ZNF592: variants seen among roughly 807,000 people sequenced by gnomAD.
ZNF592 encodes zinc finger protein 592, also known as spinocerebellar ataxia, autosomal recessive 5.
ZNF592 carries 11 observed loss-of-function variants against 80.3 expected under a neutral mutation model. The observed-to-expected ratio is 0.14, with a 90% confidence interval of 0.09 to 0.23. The LOEUF (loss-of-function observed/expected upper bound fraction) is 0.23. ZNF592 is among the 10% of genes least tolerant of loss of function. ZNF592 has a pLI of 1.00. For missense variants in ZNF592, 1,420 were observed against 1,633.9 expected (o/e 0.87, Z 2.26); for synonymous variants, 646 against 640.3 (o/e 1.01, Z -0.13).
chr15:84,799,315 A>G lies in ZNF592; in HGVS notation c.3137+105A>G. 2 of 1,193,354 alleles carry G rather than the reference A, an allele frequency of 1.7e-6. No homozygotes were observed. The highest frequency in any genetic ancestry group is 1.2e-5 in the South Asian group (1 of 81,568). 73.9% of individuals were successfully genotyped at this position (1,193,354 alleles called of 1,614,324 possible). On this transcript the variant is annotated intron_variant, in intron 9 of 10. Coordinates refer to ENST00000560079, the MANE Select transcript of ZNF592 (RefSeq NM_014630.3). This position sits in a 1 kb window ranked among gnomAD's most constrained non-coding sequence, Gnocchi z 4.2. Reference sequence around the variant, plus strand: ...TGCAAGATCAGGTGTCTAAGACAAGAGACAAGTGATTTCCAACTGGAAGAA... The same window carrying G: ...TGCAAGATCAGGTGTCTAAGACAAGGGACAAGTGATTTCCAACTGGAAGAA...
chr15:84,760,208 T>C (rs774121452), intron 1 of ZNF592, among the ~76,000 whole-genome samples: 6 of 152,046 alleles, frequency 3.9e-5, no homozygotes, highest in Non-Finnish European at 8.8e-5. Flanking sequence ...CCTCCTGTAC[T>C]CTTTCGTCTT....
At chr15:84,795,163 TTTA>T (rs1427816805) in intron 5 of ZNF592, among the ~76,000 whole-genome samples, 3 of 151,800 alleles carry the variant, frequency 2.0e-5, no homozygotes, top group East Asian at 3.8e-4. Context: ...TATTCTGTTC[TTTA>T]TTAATAATTT....
At chr15:84,796,382 G>T (rs888021451) in intron 5 of ZNF592, among the ~76,000 whole-genome samples, 1 of 149,806 alleles carries the variant, frequency 6.7e-6, no homozygotes, top group Non-Finnish European at 1.5e-5. Flanking sequence ...CCTCTCTTTA[G>T]TGCCTATGGG....
At chr15:84,749,884 A>C (rs1353964092) in intron 1 of ZNF592, among the ~76,000 whole-genome samples, 2 of 152,228 alleles carry the variant, frequency 1.3e-5, no homozygotes, top group Non-Finnish European at 2.9e-5. Context: ...TGTGGCTTTG[A>C]TTCATTAAAT....
chr15:84,797,941 G>C lies in ZNF592; in HGVS notation c.2472G>C (p.Gln824His), dbSNP rs531329275. Residue 824 changes from glutamine to histidine, a missense_variant, in exon 6 of 11, where the codon CAG becomes CAC. Physicochemically the swap from Gln to His is conservative, Grantham distance 24. Around this residue, in one of 7 missense-constraint regions of ZNF592, gnomAD observed 13 missense variants for 42.3 expected, o/e 0.31. Coordinates refer to ENST00000560079, the MANE Select transcript of ZNF592 (RefSeq NM_014630.3). ...GCCACATCCAGGAGCGACACTGCCA[G>C]GTTTTCCACAAATGTGCATTCTGCC... ...LKSHIQERHC[Q>H]VFHKCAFCPM... The C allele has an allele frequency of 6.2e-7, 1 of 1,614,236 alleles. No homozygotes were observed. Among genetic ancestry groups the C allele is most frequent in the African/African-American group, 1.3e-5 (1 of 75,066 alleles).
At chr15:84,758,293 A>T (rs572435539) in intron 1 of ZNF592, among the ~76,000 whole-genome samples, 69 of 150,936 alleles carry the variant, frequency 4.6e-4, no homozygotes, top group East Asian at 7.9e-4. Flanking sequence ...TTTAAAAAAA[A>T]TTTTTTTTTG....
chr15:84,776,615 G>C (rs1411849617), intron 2 of ZNF592, among the ~76,000 whole-genome samples: 1 of 152,176 alleles, frequency 6.6e-6, no homozygotes, highest in African/African-American at 2.4e-5. Context: ...AATTAGCCGG[G>C]CATGGTGGCA....
At chr15:84,762,386 G>A (rs544657841) in intron 1 of ZNF592, among the ~76,000 whole-genome samples, 2 of 152,292 alleles carry the variant, frequency 1.3e-5, no homozygotes, top group Admixed American at 6.5e-5. Context: ...TTTGAGCGGA[G>A]GTCTGAAGGA....
intron 3 of ZNF592, among the ~76,000 whole-genome samples, chr15:84,781,204 C>T (rs904954390): frequency 4.6e-5 from 7 of 152,108 alleles, no homozygotes; most frequent in African/African-American, 1.2e-4. Context: ...CCCACCACCA[C>T]GCCTGGCTGA....
At chr15:84,756,532 GA>G (rs1227931304) in intron 1 of ZNF592, among the ~76,000 whole-genome samples, 3 of 152,198 alleles carry the variant, frequency 2.0e-5, no homozygotes, top group African/African-American at 7.2e-5. Context: ...CATTTTCAGA[GA>G]AGGGGGCCCA....
chr15:84,753,688 G>A (rs1899080389), intron 1 of ZNF592, among the ~76,000 whole-genome samples: 1 of 152,200 alleles, frequency 6.6e-6, no homozygotes, highest in Non-Finnish European at 1.5e-5. Context: ...GGCCAGCCTG[G>A]TCTTGAACTC....
At chr15:84,752,207 A>T (rs1054076793) in intron 1 of ZNF592, among the ~76,000 whole-genome samples, 84 of 152,280 alleles carry the variant, frequency 5.5e-4, no homozygotes, top group African/African-American at 1.9e-3. Context: ...TAATAACTTA[A>T]TGCCATGTTC....
At chr15:84,793,431 T>C (rs1462329850) in intron 5 of ZNF592, among the ~76,000 whole-genome samples, 3 of 152,228 alleles carry the variant, frequency 2.0e-5, no homozygotes, top group Non-Finnish European at 4.4e-5. Context: ...TAATTACATA[T>C]TTTCTTATGT....
At position 84,782,973 on chromosome 15, in the gene ZNF592, C is replaced by A. The variant is rs1055058943; in HGVS notation, c.298C>A (p.Leu100Met). The A allele has an allele frequency of 7.4e-5, 119 of 1,614,062 alleles. No homozygotes were observed. The highest frequency in any genetic ancestry group is 9.7e-5 in the Non-Finnish European group (115 of 1,180,044). Residue 100 changes from leucine to methionine, a missense_variant, in exon 4 of 11, where the codon CTG (leucine) becomes ATG (methionine). Leu to Met is a conservative substitution (Grantham distance 15). This residue lies in a region of ZNF592 where 373 missense variants were observed against 355.5 expected (regional missense o/e 1.05). Transcript: ENST00000560079. ...ACACAATGGATTCCGGGGCTCAGATCTGCCTCCAGATCCCCACAACTGTGG... is the reference window on the plus strand; with the variant it reads ...ACACAATGGATTCCGGGGCTCAGATATGCCTCCAGATCCCCACAACTGTGG... ...LLHNGFRGSD[L>M]PPDPHNCGKF...
At chr15:84,770,530 T>C (rs1025873107) in intron 2 of ZNF592, among the ~76,000 whole-genome samples, 3 of 152,198 alleles carry the variant, frequency 2.0e-5, no homozygotes, top group Admixed American at 6.5e-5. Context: ...TATGTATGTG[T>C]AGGTGCTCAA....
intron 1 of ZNF592, 28 bp from the exon 2 acceptor site, chr15:84,764,679 A>C (rs1899449319): frequency 5.0e-6 from 2 of 398,690 alleles, no homozygotes; most frequent in Non-Finnish European, 8.8e-6. Context: ...CCCACTTAAA[A>C]AAAATTTTGT....
At chr15:84,780,407 A>T (rs918719094) in intron 3 of ZNF592, among the ~76,000 whole-genome samples, 23 of 152,192 alleles carry the variant, frequency 1.5e-4, no homozygotes, top group African/African-American at 5.6e-4. Context: ...GTCACTTGGT[A>T]TTGAGTGCCC....
chr15:84,792,317 A>T (rs1962772545), intron 5 of ZNF592, among the ~76,000 whole-genome samples: 1 of 152,056 alleles, frequency 6.6e-6, no homozygotes. Context: ...TTTCCAGCGG[A>T]CATTGAGGAG....
chr15:84,799,750 C>G lies in ZNF592; in HGVS notation c.3138-92C>G. On this transcript the variant is annotated intron_variant, in intron 9 of 10. Coordinates refer to ENST00000560079, the MANE Select transcript of ZNF592 (RefSeq NM_014630.3). This position sits in a 1 kb window ranked among gnomAD's most constrained non-coding sequence, Gnocchi z 4.2. Reference sequence around the variant, plus strand: ...GCACTAGCCAGCCCAGGAGTCTGCTCCAGACTCCCTCCTTCCTGGCCTTGG... The same window carrying G: ...GCACTAGCCAGCCCAGGAGTCTGCTGCAGACTCCCTCCTTCCTGGCCTTGG... 2 of 1,578,990 alleles carry G rather than the reference C, an allele frequency of 1.3e-6. No homozygotes were observed. Among genetic ancestry groups the G allele is most frequent in the Non-Finnish European group, 8.6e-7 (1 of 1,158,484 alleles).
Sources: allele counts gnomAD v4.1 joint callset (sites outside exome capture counted in the v4.1 genomes callset), GRCh38; gene constraint gnomAD v4.1.1; regional missense constraint gnomAD v4.1.1; non-coding constraint Gnocchi (gnomAD v3.1); transcripts MANE v1.5; gene names NCBI Gene and HGNC (gene_info 2026-07-23, HGNC 2026-07-21).